The following IL17RD variants were observed in gnomAD, a reference collection of about 807,000 sequenced individuals.
The protein encoded by IL17RD is interleukin-17 receptor D.
Under a neutral mutation model 80.5 loss-of-function variants are expected in IL17RD, and 52 were observed. The observed-to-expected ratio is 0.65, with a 90% CI of 0.52 to 0.81. The LOEUF (loss-of-function observed/expected upper bound fraction) is 0.81. Ranked by LOEUF, IL17RD falls within the 40% of genes least tolerant of loss-of-function variation. The pLI, the probability that IL17RD is intolerant of heterozygous loss-of-function variation, is 0.00. For missense variants in IL17RD, 1,024 were observed against 955.1 expected, an observed-to-expected ratio of 1.07 and a Z score of -0.95; for synonymous variants, 416 against 391.8, an observed-to-expected ratio of 1.06 and a Z score of -0.73.
At chr3:57,127,677 G>T (rs1322261615) in intron 1 of IL17RD, among the ~76,000 whole-genome samples, 1 of 151,970 alleles carries the variant, frequency 6.6e-6, no homozygotes, top group Non-Finnish European at 1.5e-5. Context: ...AAAGTGCTGG[G>T]ATTACAGGCG....
Position 57,098,200 on chromosome 3 carries a change from C to T in IL17RD, c.1503G>A (p.Met501Ile). The T allele has an allele frequency of 6.2e-7, 1 of 1,613,890 alleles. No homozygotes were observed. The highest frequency in any genetic ancestry group is 1.1e-5 in the South Asian group (1 of 91,066). ...GGGAACAGAGCTGAGGAAGATTGTC[C>T]ATGAGTCTGTACTTGGTACTCAGGT... is the stretch of plus-strand genomic sequence containing the variant. ...ILDLSTKYRL[M>I]DNLPQLCSHL... The change falls in exon 12 of 13, where the codon ATG (methionine) becomes ATA (isoleucine). Residue 501 changes from methionine to isoleucine, a missense_variant. Physicochemically the swap from Met to Ile is conservative, Grantham distance 10. Coordinates refer to ENST00000296318, the MANE Select transcript of IL17RD (RefSeq NM_017563.5).
At chr3:57,130,396 T>C (rs1199937656) in intron 1 of IL17RD, among the ~76,000 whole-genome samples, 1 of 152,162 alleles carries the variant, frequency 6.6e-6, no homozygotes, top group Non-Finnish European at 1.5e-5. Context: ...ATATATAAAA[T>C]ATCCACACAT....
At chr3:57,153,670 C>T (rs2060245503) in intron 1 of IL17RD, among the ~76,000 whole-genome samples, 1 of 152,158 alleles carries the variant, frequency 6.6e-6, no homozygotes, top group Admixed American at 6.5e-5. Flanking sequence ...GTTCATTTTA[C>T]TGTTATTTCA....
chr3:57,142,523 G>T (rs756357261), intron 1 of IL17RD: 9 of 1,285,746 alleles, frequency 7.0e-6, no homozygotes, highest in Non-Finnish European at 9.1e-6. Context: ...CCCTCCAACC[G>T]CCCCGTCTGA....
chr3:57,133,827 T>C (rs1053689026), intron 1 of IL17RD, among the ~76,000 whole-genome samples: 1 of 152,184 alleles, frequency 6.6e-6, no homozygotes, highest in African/African-American at 2.4e-5. Flanking sequence ...TCCTCTCCTA[T>C]AGGGCTGAGG....
Position 57,097,736 on chromosome 3 carries a change from G to A in IL17RD, c.1967C>T (p.Ser656Leu), listed in dbSNP as rs768497234. 3.1e-6 allele frequency: 5 copies of A among 1,602,556 alleles called. No homozygotes were observed. In the Admixed American group the frequency reaches 6.8e-5, roughly 22 times the overall value. Residue 656 changes from serine (S) to leucine (L), a missense_variant, in exon 12 of 13, where the codon TCG (serine) becomes TTG (leucine). Coordinates refer to ENST00000296318, the MANE Select transcript of IL17RD (RefSeq NM_017563.5). ...GATGCCTGAGTCCCGCGGCATGTCCGAGGGGCTGCCGGCTTTCACCGTGTG... is the reference window on the plus strand; with the variant it reads ...GATGCCTGAGTCCCGCGGCATGTCCAAGGGGCTGCCGGCTTTCACCGTGTG... ...LLHTVKAGSPSDMPRDSGIYD... is the reference protein window; with the variant it reads ...LLHTVKAGSPLDMPRDSGIYD...
intron 1 of IL17RD, among the ~76,000 whole-genome samples, chr3:57,140,524 G>A (rs1042004166): frequency 3.9e-5 from 6 of 152,184 alleles, no homozygotes; most frequent in African/African-American, 1.2e-4. Context: ...ATGTTTGCAT[G>A]ATGGCACTAA....
rs115350189 is a variant in IL17RD, at chr3:57,123,499, C to T, written c.127-3186G>A. 1.7e-3 allele frequency among the ~76,000 whole-genome samples: 260 copies of T among 152,346 alleles called. 2 individuals are homozygous for T. Among genetic ancestry groups the T allele is most frequent in the African/African-American group, 6.1e-3 (255 of 41,594 alleles). The stretch of plus-strand genomic sequence containing the variant: ...TCTTCCTATCACCCAGGTCCCCTCC[C>T]CTGGTGGGCTGCTTGCCGCATCACA... On this transcript the variant is annotated intron_variant, in intron 1 of 12. Coordinates refer to ENST00000296318, the MANE Select transcript of IL17RD (RefSeq NM_017563.5).
chr3:57,122,366 C>A (rs184586697), intron 1 of IL17RD, among the ~76,000 whole-genome samples: 2 of 152,202 alleles, frequency 1.3e-5, no homozygotes, highest in African/African-American at 4.8e-5. Context: ...CCACTCTACT[C>A]TAGGGGTCCC....
chr3:57,156,146 A>G (rs1040531990), intron 1 of IL17RD, among the ~76,000 whole-genome samples: 4 of 152,240 alleles, frequency 2.6e-5, no homozygotes, highest in South Asian at 4.1e-4. Context: ...AAGGATGGAC[A>G]AAGAAAATAC....
chr3:57,169,789 A>G (rs2060361834), upstream of IL17RD, among the ~76,000 whole-genome samples: 1 of 152,036 alleles, frequency 6.6e-6, no homozygotes, highest in Admixed American at 6.6e-5. Context: ...CAGGCTTTGG[A>G]GGGAGCAGTA....
At chr3:57,122,235 T>C (rs1707356623) in intron 1 of IL17RD, among the ~76,000 whole-genome samples, 1 of 152,164 alleles carries the variant, frequency 6.6e-6, no homozygotes, top group Non-Finnish European at 1.5e-5. Flanking sequence ...AGGAGAAGGA[T>C]AACTGGGCTA....
At chr3:57,119,966 C>T (rs1451859766) in intron 2 of IL17RD, among the ~76,000 whole-genome samples, 1 of 152,144 alleles carries the variant, frequency 6.6e-6, no homozygotes, top group East Asian at 1.9e-4. Flanking sequence ...CCTTGCTGGG[C>T]CATACTGGCA....
At chr3:57,098,948 G>A (rs1312253487) in intron 11 of IL17RD, among the ~76,000 whole-genome samples, 1 of 152,216 alleles carries the variant, frequency 6.6e-6, no homozygotes, top group Non-Finnish European at 1.5e-5. Flanking sequence ...TGCCTAGATT[G>A]GAGGGGCAGA....
rs776585414 is a variant in IL17RD at position 57,102,549 on chromosome 3, G to GA, written c.908dup (p.Thr304HisfsTer32). On this transcript the variant is annotated frameshift_variant, in exon 10 of 13. Coordinates refer to ENST00000296318, the MANE Select transcript of IL17RD (RefSeq NM_017563.5). LOFTEE classifies it high-confidence loss of function. ...CCGATATGACTACCAGTGGCACTGT[G>GA]ATGGCCACGGCTCTGATGGGCCCGG... 2.5e-6 allele frequency: 4 copies of GA among 1,584,490 alleles called. No homozygotes were observed. The South Asian group carries it at 4.5e-5, about 18-fold the overall frequency.
intron 1 of IL17RD, among the ~76,000 whole-genome samples, chr3:57,146,793 AT>A: frequency 6.7e-6 from 1 of 149,322 alleles, no homozygotes; most frequent in South Asian, 2.1e-4. Context: ...ATAAACGTCA[AT>A]ATTTCGTGTG....
At position 57,110,944 on chromosome 3, in the gene IL17RD, G is replaced by A. The variant is rs114292219; in HGVS notation, c.311-633C>T. Among the ~76,000 whole-genome samples the A allele has an allele frequency of 3.7e-3, 571 of 152,280 alleles. 2 individuals carry two copies. The highest frequency in any genetic ancestry group is 0.012 in the African/African-American group (508 of 41,546). On this transcript the variant is annotated intron_variant, in intron 3 of 12. Transcript: ENST00000296318. The stretch of plus-strand genomic sequence containing the variant: ...CTCTTCATACAGCCTCCGAGGCCCC[G>A]AGACACCCACAGCGCCGCTGAAAGA...
chr3:57,133,989 A>G (rs1707666865), intron 1 of IL17RD, among the ~76,000 whole-genome samples: 1 of 152,270 alleles, frequency 6.6e-6, no homozygotes, highest in Admixed American at 6.5e-5. Flanking sequence ...ACATTTTGTC[A>G]TGAAGTTAGC....
rs34588701 is a variant in IL17RD at position 57,139,196 on chromosome 3, C to G, written c.127-18883G>C. Among the ~76,000 whole-genome samples, 607 of 151,828 alleles carry G rather than the reference C, an allele frequency of 4.0e-3. 3 individuals are homozygous for G. The highest frequency in any genetic ancestry group is 0.014 in the African/African-American group (574 of 41,382). ...GAAAGTGTAAAAAAATAACAAAAAG[C>G]CAGGAATTGGGCTTTGTGAGACTAC... On this transcript the variant is annotated intron_variant, in intron 1 of 12. Transcript: ENST00000296318.
Sources: allele counts gnomAD v4.1 joint callset (sites outside exome capture counted in the v4.1 genomes callset), GRCh38; gene constraint gnomAD v4.1.1; transcripts MANE v1.5; gene names NCBI Gene and HGNC (gene_info 2026-07-23, HGNC 2026-07-21).